The following MACROD2 variants were observed in gnomAD, a reference collection of about 807,000 sequenced individuals.
The protein encoded by MACROD2 is mono-ADP ribosylhydrolase 2, also known as ADP-ribose glycohydrolase MACROD2.
Under a neutral mutation model 70.4 loss-of-function variants are expected in MACROD2, and 36 were observed. The observed-to-expected ratio is 0.51, with a 90% CI of 0.39 to 0.68. The LOEUF (loss-of-function observed/expected upper bound fraction) is 0.68, where lower values mean the gene tolerates loss of function less well. Ranked by LOEUF, MACROD2 falls within the 30% of genes least tolerant of loss-of-function variation. The probability of loss-of-function intolerance (pLI) is 0.00; values close to 1 mark genes in which losing one functional copy is unlikely to be tolerated. For missense variants in MACROD2, 496 were observed against 538.4 expected (o/e 0.92, Z 0.78); for synonymous variants, 172 against 178.8 (o/e 0.96, Z 0.30).
intron 4 of MACROD2, among the ~76,000 whole-genome samples, chr20:14,545,084 A>T (rs2085477094): frequency 6.6e-6 from 1 of 152,150 alleles, no homozygotes; most frequent in Non-Finnish European, 1.5e-5. Flanking sequence ...GGAACACTAT[A>T]TTCACTCTCT....
At chr20:15,756,076 G>A (rs2051343090) in intron 8 of MACROD2, among the ~76,000 whole-genome samples, 1 of 152,086 alleles carries the variant, frequency 6.6e-6, no homozygotes, top group Non-Finnish European at 1.5e-5. Flanking sequence ...TTGCCACATT[G>A]TCCACACACC....
chr20:15,018,265 A>G (rs1029228974), intron 5 of MACROD2, among the ~76,000 whole-genome samples: 20 of 152,186 alleles, frequency 1.3e-4, no homozygotes, highest in Admixed American at 1.3e-3. Flanking sequence ...GGTAGGGGCA[A>G]AATGCCGCCA....
rs550767998 is a variant in MACROD2, at chr20:15,225,584, C to T, written c.419-4356C>T. On this transcript the variant is annotated intron_variant, in intron 5 of 17. Transcript: ENST00000684519. ...TAAAACAAACCTATATTCTTCCCTA[C>T]ATCGGTAGAGGAATTTTTTTTAACA... is the stretch of plus-strand genomic sequence containing the variant. Among the ~76,000 whole-genome samples, 14 of 152,270 alleles carry T rather than the reference C, an allele frequency of 9.2e-5. No individual in the cohort carries two copies. The East Asian group carries it at 1.3e-3, about 15-fold the overall frequency.
At chr20:15,369,798 C>T (rs761835812) in intron 6 of MACROD2, among the ~76,000 whole-genome samples, 1 of 152,134 alleles carries the variant, frequency 6.6e-6, no homozygotes, top group Non-Finnish European at 1.5e-5. Context: ...AGACTGAGTT[C>T]TTTTTCCTCA....
At chr20:15,951,196 A>C (rs1011907112) in intron 12 of MACROD2, among the ~76,000 whole-genome samples, 18 of 152,064 alleles carry the variant, frequency 1.2e-4, no homozygotes, top group Non-Finnish European at 2.2e-4. Flanking sequence ...AGCCTATCTT[A>C]GTTTTTGACA....
At position 14,093,093 on chromosome 20, in the gene MACROD2, T is replaced by G. The variant is rs149893202; in HGVS notation, c.271+7365T>G. Reference sequence around the variant, plus strand: ...TAGTTTGACTCTATTTTACCTTATTTTTTAAAGACAGGAATCTCACTCTGT... The same window carrying G: ...TAGTTTGACTCTATTTTACCTTATTGTTTAAAGACAGGAATCTCACTCTGT... On this transcript the variant is annotated intron_variant, in intron 3 of 17. Coordinates refer to ENST00000684519, the MANE Select transcript of MACROD2 (RefSeq NM_001351661.2). 6.8e-3 allele frequency among the ~76,000 whole-genome samples: 1,036 copies of G among 152,260 alleles called. 7 individuals are homozygous for G. The highest frequency in any genetic ancestry group is 0.01 in the Admixed American group (158 of 15,288).
At chr20:14,601,740 T>G (rs1052558983) in intron 4 of MACROD2, among the ~76,000 whole-genome samples, 1 of 152,152 alleles carries the variant, frequency 6.6e-6, no homozygotes, top group Non-Finnish European at 1.5e-5. Flanking sequence ...CACTCCTTAC[T>G]TAGGTTCTTT....
chr20:14,015,446 G>A (rs1451240800), intron 2 of MACROD2, among the ~76,000 whole-genome samples: 2 of 152,132 alleles, frequency 1.3e-5, no homozygotes, highest in East Asian at 3.9e-4. Context: ...AACTGGTGGT[G>A]TGCACTTGTT....
intron 6 of MACROD2, among the ~76,000 whole-genome samples, chr20:15,343,478 T>C (rs1186517638): frequency 2.0e-5 from 3 of 152,184 alleles, no homozygotes; most frequent in Non-Finnish European, 2.9e-5. Flanking sequence ...TCTAATACTT[T>C]GACAGTCAGT....
chr20:14,483,148 T>G (rs1017471543), intron 3 of MACROD2, among the ~76,000 whole-genome samples: 1 of 152,218 alleles, frequency 6.6e-6, no homozygotes, highest in Non-Finnish European at 1.5e-5. Flanking sequence ...TTTTAGCCAT[T>G]GCATTCCATT....
intron 3 of MACROD2, among the ~76,000 whole-genome samples, chr20:14,451,163 C>T (rs2084240697): frequency 6.6e-6 from 1 of 151,950 alleles, no homozygotes; most frequent in Non-Finnish European, 1.5e-5. Context: ...GTTACCTGGC[C>T]GGGTGCAGTG....
intron 6 of MACROD2, among the ~76,000 whole-genome samples, chr20:15,358,342 A>C (rs2078313100): frequency 6.6e-6 from 1 of 152,218 alleles, no homozygotes; most frequent in Non-Finnish European, 1.5e-5. Context: ...TAGGGGGCTT[A>C]AGTGATTAGT....
intron 4 of MACROD2, among the ~76,000 whole-genome samples, chr20:14,655,321 G>T (rs1188352785): frequency 1.2e-5 from 1 of 84,092 alleles, no homozygotes; most frequent in Non-Finnish European, 2.6e-5. Context: ...AGTGGACACT[G>T]TGTGTGTGTG....
chr20:15,423,645 G>C (rs4814369), intron 6 of MACROD2, among the ~76,000 whole-genome samples: 48,681 of 151,758 alleles, frequency 0.32, 8,206 homozygotes, highest in African/African-American at 0.41. Context: ...TAATCTTCCT[G>C]GTGTCTCTTC....
chr20:16,031,206 C>G (rs1169675798), intron 15 of MACROD2, among the ~76,000 whole-genome samples: 1 of 151,644 alleles, frequency 6.6e-6, no homozygotes, highest in Non-Finnish European at 1.5e-5. Context: ...AATATAAAAA[C>G]AGATGACAAA....
At chr20:15,484,981 G>T (rs1464353195) in intron 7 of MACROD2, among the ~76,000 whole-genome samples, 2 of 152,042 alleles carry the variant, frequency 1.3e-5, no homozygotes, top group Non-Finnish European at 2.9e-5. Flanking sequence ...TTCTTCGAAG[G>T]ATCTAAAGAA....
chr20:14,017,729 T>C (rs987568639), intron 2 of MACROD2, among the ~76,000 whole-genome samples: 40 of 152,128 alleles, frequency 2.6e-4, no homozygotes, highest in African/African-American at 9.2e-4. Flanking sequence ...ATTTTTTTCA[T>C]TGTGATTCAT....
chr20:15,057,869 C>A (rs2075499465), intron 5 of MACROD2, among the ~76,000 whole-genome samples: 1 of 152,144 alleles, frequency 6.6e-6, no homozygotes, highest in African/African-American at 2.4e-5. Flanking sequence ...TCTCTCACTG[C>A]CCCTTACGTT....
At chr20:15,132,908 C>T (rs2076117207) in intron 5 of MACROD2, among the ~76,000 whole-genome samples, 2 of 151,960 alleles carry the variant, frequency 1.3e-5, no homozygotes, top group African/African-American at 4.8e-5. Flanking sequence ...ATATTTGTAA[C>T]ATTAATTTGT....
Sources: allele counts gnomAD v4.1 joint callset (sites outside exome capture counted in the v4.1 genomes callset), GRCh38; gene constraint gnomAD v4.1.1; transcripts MANE v1.5; gene names NCBI Gene and HGNC (gene_info 2026-07-23, HGNC 2026-07-21).